PTPN14: variants seen among roughly 807,000 people sequenced by gnomAD.
PTPN14 encodes tyrosine-protein phosphatase non-receptor type 14.
A neutral mutation model predicts 126.8 loss-of-function variants in PTPN14; 53 were observed. The ratio of observed to expected loss-of-function variants is 0.42; its 90% CI spans 0.34 to 0.53. PTPN14 has a LOEUF of 0.53. Ranked by LOEUF, PTPN14 falls within the 20% of genes least tolerant of loss-of-function variation. PTPN14 has a pLI of 0.08. For missense variants in PTPN14, 1,257 were observed against 1,552.9 expected, an observed-to-expected ratio of 0.81 and a Z score of 3.20; for synonymous variants, 630 against 599.3, an observed-to-expected ratio of 1.05 and a Z score of -0.75.
chr1:214,378,516 G>A (rs1213113748), intron 13 of PTPN14, among the ~76,000 whole-genome samples: 1 of 152,174 alleles, frequency 6.6e-6, no homozygotes, highest in Non-Finnish European at 1.5e-5. Flanking sequence ...CTGCACAGAC[G>A]GAACGGAGCA....
intron 1 of PTPN14, among the ~76,000 whole-genome samples, chr1:214,485,584 A>G (rs1427427499): frequency 6.6e-6 from 1 of 152,214 alleles, no homozygotes; most frequent in Non-Finnish European, 1.5e-5. Context: ...TCAAAGTACA[A>G]CTGACCTAGA....
At chr1:214,487,470 A>G (rs556465135) in intron 1 of PTPN14, among the ~76,000 whole-genome samples, 2 of 152,286 alleles carry the variant, frequency 1.3e-5, no homozygotes, top group East Asian at 1.9e-4. Flanking sequence ...TGCTAAAAAT[A>G]CAAAAGTTAG....
At chr1:214,391,125 G>A in intron 10 of PTPN14, 80 bp from the exon 11 acceptor site, 2 of 935,942 alleles carry the variant, frequency 2.1e-6, no homozygotes, top group Admixed American at 2.6e-5. Flanking sequence ...AGGAGAGGAA[G>A]AGAATAAACA....
chr1:214,461,493 C>T (rs1014393110), intron 2 of PTPN14, among the ~76,000 whole-genome samples: 1 of 151,968 alleles, frequency 6.6e-6, no homozygotes, highest in African/African-American at 2.4e-5. Context: ...ATTTGCTGGG[C>T]ATGTTGGCAT....
intron 1 of PTPN14, among the ~76,000 whole-genome samples, chr1:214,549,490 T>C (rs1656052077): frequency 6.6e-6 from 1 of 152,166 alleles, no homozygotes; most frequent in Non-Finnish European, 1.5e-5. Context: ...TGGCCACCCA[T>C]TCAGACTGGG....
intron 7 of PTPN14, 85 bp from the exon 8 acceptor site, chr1:214,398,086 G>T: frequency 9.2e-7 from 1 of 1,087,852 alleles, no homozygotes; most frequent in Non-Finnish European, 1.4e-6. Flanking sequence ...GAATCGACCT[G>T]AGTGTCCATC....
chr1:214,465,544 C>T (rs1228891621), intron 1 of PTPN14, among the ~76,000 whole-genome samples: 2 of 152,156 alleles, frequency 1.3e-5, no homozygotes, highest in Non-Finnish European at 2.9e-5. Context: ...TCTCTTGAGC[C>T]TGGGAGGCCA....
Position 214,364,762 on chromosome 1 carries a change from G to GGTAAGTGTGTGTGTGT in PTPN14, c.3272-88_3272-87insACACACACACACTTAC. ...GAGGGGGGAGCGGAAGAGAACTGATGGTGAGTGTGTGTGTGTGTGTGTGTG... is the reference window on the plus strand; with the variant it reads ...GAGGGGGGAGCGGAAGAGAACTGATGGTAAGTGTGTGTGTGTGTGAGTGTGTGTGTGTGTGTGTGTG... On this transcript the variant is annotated intron_variant, in intron 17 of 18. Transcript: ENST00000366956. This position sits in a 1 kb window ranked among gnomAD's most constrained non-coding sequence, Gnocchi z 4.1. 1.4e-6 allele frequency: 1 copy of GGTAAGTGTGTGTGTGT among 714,540 alleles called. No individual in the cohort carries two copies. Among genetic ancestry groups the GGTAAGTGTGTGTGTGT allele is most frequent in the Non-Finnish European group, 2.0e-6 (1 of 494,638 alleles). The allele number at this position is 714,540 out of a possible 1,614,324, so 44.3% of individuals were successfully genotyped here. A position where few individuals can be genotyped will look rare whatever the true frequency, so the allele number is the denominator to read the frequency against.
intron 1 of PTPN14, among the ~76,000 whole-genome samples, chr1:214,544,678 G>A (rs1438810370): frequency 6.6e-6 from 1 of 152,094 alleles, no homozygotes; most frequent in African/African-American, 2.4e-5. Flanking sequence ...TTGAACCTGG[G>A]AGGTGGAGGT....
At position 214,356,709 on chromosome 1, in the gene PTPN14, G is replaced by C. The variant is rs961789648; in HGVS notation, c.*1213C>G. ...AAGTGGCCCCAAGTTTGGACTATGG[G>C]GTCCCGAGTGGGATTAATTCTGATC... is the stretch of plus-strand genomic sequence containing the variant. On this transcript the variant is annotated 3_prime_UTR_variant, in exon 19 of 19. Coordinates refer to ENST00000366956, the MANE Select transcript of PTPN14 (RefSeq NM_005401.5). 1 of 152,170 alleles carries C rather than the reference G, an allele frequency of 6.6e-6. No homozygotes were observed. The highest frequency in any genetic ancestry group is 2.4e-5 in the African/African-American group (1 of 41,434). The allele number at this position is 152,170 out of a possible 1,614,324, so 9.4% of individuals were successfully genotyped here.
intron 1 of PTPN14, among the ~76,000 whole-genome samples, chr1:214,505,483 G>A (rs539519545): frequency 1.1e-4 from 17 of 152,318 alleles, no homozygotes; most frequent in African/African-American, 4.1e-4. Context: ...CCCACACAGT[G>A]GTGGAGCTGC....
chr1:214,401,231 A>G (rs763135505), intron 7 of PTPN14, among the ~76,000 whole-genome samples: 16 of 152,234 alleles, frequency 1.1e-4, no homozygotes, highest in Non-Finnish European at 2.1e-4. Flanking sequence ...GGAGGGCCCT[A>G]TAAAGCTGGA....
chr1:214,490,857 A>ACGGAGGGGAG (rs1661217011), intron 1 of PTPN14, among the ~76,000 whole-genome samples: 1 of 11,324 alleles, frequency 8.8e-5, no homozygotes, highest in African/African-American at 4.9e-4. Flanking sequence ...AAGGAAGGGA[A>ACGGAGGGGAG]GGGAGGGGAG....
At chr1:214,544,773 AG>A (rs1011624586) in intron 1 of PTPN14, among the ~76,000 whole-genome samples, 7 of 151,992 alleles carry the variant, frequency 4.6e-5, no homozygotes, top group South Asian at 2.1e-4. Flanking sequence ...AAAAAAAAGA[AG>A]GGAACAGAAG....
intron 1 of PTPN14, among the ~76,000 whole-genome samples, chr1:214,488,699 G>A (rs1661168451): frequency 6.6e-6 from 1 of 152,210 alleles, no homozygotes; most frequent in South Asian, 2.1e-4. Flanking sequence ...TCTTCAGAAA[G>A]CTCATAATCT....
At chr1:214,432,967 G>C (rs1212144418) in intron 3 of PTPN14, among the ~76,000 whole-genome samples, 5 of 152,174 alleles carry the variant, frequency 3.3e-5, no homozygotes, top group African/African-American at 1.2e-4. Context: ...GCAGTGGCAC[G>C]ATCTCGGTTC....
At chr1:214,381,601 C>T (rs1483194427) in intron 13 of PTPN14, among the ~76,000 whole-genome samples, 1 of 152,190 alleles carries the variant, frequency 6.6e-6, no homozygotes, top group Non-Finnish European at 1.5e-5. Flanking sequence ...CCAAAAGTAA[C>T]AAGGTTGCTA....
chr1:214,482,206 C>CTT (rs61017156), intron 1 of PTPN14, among the ~76,000 whole-genome samples: 2 of 143,368 alleles, frequency 1.4e-5, no homozygotes, highest in Admixed American at 7.0e-5. Context: ...CCAGTAACAA[C>CTT]TTTTTTTTTT....
intron 3 of PTPN14, 141 bp downstream of exon 3, chr1:214,451,664 C>A: frequency 1.0e-6 from 1 of 966,692 alleles, no homozygotes; most frequent in Non-Finnish European, 1.5e-6. Flanking sequence ...GTAAACAACC[C>A]CCAACTATTT....
Sources: gnomAD v4.1 joint callset for allele counts (sites outside exome capture counted in the v4.1 genomes callset) on GRCh38, gnomAD v4.1.1 for gene constraint, Gnocchi (gnomAD v3.1) non-coding constraint, MANE v1.5 for transcripts, NCBI Gene and HGNC (gene_info 2026-07-23, HGNC 2026-07-21) for gene names.